The following NLRP8 variants were observed in gnomAD, a reference collection of about 807,000 sequenced individuals.
NLRP8 encodes the protein NLR family pyrin domain containing 8, also known as NACHT, LRR and PYD domains-containing protein 8.
In NLRP8, 86 loss-of-function variants were observed where a neutral mutation model predicts 88.7. The observed-to-expected ratio is 0.97, with a 90% CI of 0.81 to 1.16. The LOEUF is 1.16. NLRP8 is among the 50% of genes most tolerant of loss of function. NLRP8 has a pLI of 0.00. For synonymous variants in NLRP8, 504 were observed against 494.6 expected (o/e 1.02, Z -0.25); for missense variants, 1,342 against 1,286.5 (o/e 1.04, Z -0.66).
chr19:55,968,480 C>A (rs1459910195), intron 5 of NLRP8, among the ~76,000 whole-genome samples: 2 of 151,168 alleles, frequency 1.3e-5, no homozygotes, highest in Non-Finnish European at 1.5e-5. Flanking sequence ...GTGGCTCACG[C>A]CTGTAATCCC....
intron 3 of NLRP8, among the ~76,000 whole-genome samples, chr19:55,961,348 AT>A (rs764445828): frequency 6.6e-6 from 1 of 151,998 alleles, no homozygotes; most frequent in Non-Finnish European, 1.5e-5. Flanking sequence ...CTAGCTCTGG[AT>A]TTTTCTTTCT....
chr19:55,974,842 G>A (rs1260088934), intron 7 of NLRP8, among the ~76,000 whole-genome samples: 2 of 151,852 alleles, frequency 1.3e-5, no homozygotes, highest in African/African-American at 4.8e-5. Context: ...ACCTCCCTCT[G>A]TGCCCTAGCT....
chr19:55,949,487 C>T (rs1978997019), intron 1 of NLRP8, among the ~76,000 whole-genome samples: 1 of 152,138 alleles, frequency 6.6e-6, no homozygotes, highest in Admixed American at 6.6e-5. Context: ...ATTTGCCTGC[C>T]TCGGCCTCCC....
chr19:55,965,813 AC>A (rs1270414501), intron 4 of NLRP8, among the ~76,000 whole-genome samples: 2 of 40,226 alleles, frequency 5.0e-5, no homozygotes, highest in African/African-American at 2.0e-4. Context: ...CTAGCCCCCC[AC>A]CCCCCCAGAG....
At chr19:55,973,922 G>T (rs1365551587) in intron 7 of NLRP8, 100 bp downstream of exon 7, 7 of 1,200,794 alleles carry the variant, frequency 5.8e-6, no homozygotes, top group African/African-American at 1.5e-5. Flanking sequence ...TTTATTAAGT[G>T]CCTACTGCGT....
intron 6 of NLRP8, among the ~76,000 whole-genome samples, 159 bp downstream of exon 6, chr19:55,970,855 G>C (rs1980046337): frequency 6.6e-6 from 1 of 151,932 alleles, no homozygotes; most frequent in African/African-American, 2.4e-5. Context: ...GGTCAATAAG[G>C]GTCCAGCCAA....
chr19:55,957,640 C>T (rs990972373), intron 3 of NLRP8, among the ~76,000 whole-genome samples: 34 of 141,562 alleles, frequency 2.4e-4, no homozygotes, highest in African/African-American at 9.3e-4. Context: ...TAGCCGAGAT[C>T]GCGCCACTAT....
intron 2 of NLRP8, among the ~76,000 whole-genome samples, chr19:55,954,155 C>T (rs1261559796): frequency 1.3e-5 from 2 of 152,070 alleles, no homozygotes; most frequent in East Asian, 1.9e-4. Context: ...ACTACAGCAG[C>T]GATCTTCTAT....
At chr19:55,979,692 G>A (rs1980494512) in intron 9 of NLRP8, 128 bp downstream of exon 9, 1 of 982,892 alleles carries the variant, frequency 1.0e-6, no homozygotes, top group Non-Finnish European at 1.5e-6. Flanking sequence ...ACTGAGACAG[G>A]CAGATCGCTT....
At position 55,963,033 on chromosome 19, in the gene NLRP8, A is replaced by G. The variant is rs1979685086; in HGVS notation, c.2213+796A>G. Among the ~76,000 whole-genome samples the G allele has an allele frequency of 3.3e-5, 5 of 151,966 alleles. No individual in the cohort carries two copies. The South Asian group carries it at 1.0e-3, about 32-fold the overall frequency. On this transcript the variant is annotated intron_variant, in intron 4 of 9. Coordinates refer to ENST00000291971, the MANE Select transcript of NLRP8 (RefSeq NM_176811.2). ...GTACTATTATCCCCCCCCTTTTTTAAAACAGAGTCTCACTTTGTTGTCCAG... is the reference window on the plus strand; with the variant it reads ...GTACTATTATCCCCCCCCTTTTTTAGAACAGAGTCTCACTTTGTTGTCCAG...
In NLRP8 at chr19:55,966,255, C is replaced by T. The variant is rs61740147; in HGVS notation, c.2256C>T (p.Ile752=). ...GCACCATGTTGAACCAGGACTTAATCGGTGTTTTGACGGGGAACCAGCATC... is the reference window on the plus strand; with the variant it reads ...GCACCATGTTGAACCAGGACTTAATTGGTGTTTTGACGGGGAACCAGCATC... The change falls in exon 5 of 10, where the codon ATC becomes ATT. Residue 752 remains isoleucine, a synonymous_variant. Coordinates refer to ENST00000291971, the MANE Select transcript of NLRP8 (RefSeq NM_176811.2). 9.9e-6 allele frequency: 16 copies of T among 1,614,046 alleles called. No homozygotes were observed. Among genetic ancestry groups the T allele is most frequent in the Admixed American group, 1.7e-5 (1 of 60,000 alleles).
intron 3 of NLRP8, among the ~76,000 whole-genome samples, chr19:55,958,551 C>G (rs897991617): frequency 4.6e-5 from 7 of 152,066 alleles, no homozygotes; most frequent in Admixed American, 2.0e-4. Context: ...GATTGGAGCC[C>G]GGCCATGCTT....
intron 4 of NLRP8, among the ~76,000 whole-genome samples, 159 bp from the exon 5 acceptor site, chr19:55,966,054 C>T (rs1174529940): frequency 6.6e-6 from 1 of 152,146 alleles, no homozygotes; most frequent in African/African-American, 2.4e-5. Flanking sequence ...AGGTTTGTGT[C>T]ACTCTTTAAT....
chr19:55,949,648 G>A (rs1031828362), intron 1 of NLRP8, among the ~76,000 whole-genome samples: 1 of 152,132 alleles, frequency 6.6e-6, no homozygotes, highest in South Asian at 2.1e-4. Context: ...GGGGACTACT[G>A]TATTAAAGGA....
chr19:55,980,632 A>T (rs1448688932), intron 9 of NLRP8, among the ~76,000 whole-genome samples: 1 of 152,184 alleles, frequency 6.6e-6, no homozygotes, highest in Non-Finnish European at 1.5e-5. Context: ...ATGACATTGC[A>T]GCTGGCTTCC....
rs1254807777 is a variant in NLRP8 at position 55,979,516 on chromosome 19, C to G, written c.2999C>G (p.Thr1000Ser). The change falls in exon 9 of 10, where the codon ACC becomes AGC. Residue 1000 changes from threonine (T) to serine (S), a missense_variant. Coordinates refer to ENST00000291971, the MANE Select transcript of NLRP8 (RefSeq NM_176811.2). ...GCGATTGGAGTCTATGGTATTCTGA[C>G]CTTGTGCGAGGCCTTCTCAAGCCAA... The G allele has an allele frequency of 6.2e-7, 1 of 1,614,072 alleles. No individual in the cohort carries two copies. The highest frequency in any genetic ancestry group is 2.2e-5 in the East Asian group (1 of 44,894).
Position 55,956,429 on chromosome 19 carries a change from A to C in NLRP8, c.2042+329A>C, listed in dbSNP as rs1979359945. Among the ~76,000 whole-genome samples the C allele has an allele frequency of 2.0e-5, 3 of 152,036 alleles. No homozygotes were observed. The South Asian group carries it at 6.2e-4, about 32-fold the overall frequency. Reference sequence around the variant, plus strand: ...CGGCTAATTTTGGCATTTTTAGTAGAGATGGGGTTTCACCATGTTGGCCAG... The same window carrying C: ...CGGCTAATTTTGGCATTTTTAGTAGCGATGGGGTTTCACCATGTTGGCCAG... On this transcript the variant is annotated intron_variant, in intron 3 of 9. Coordinates refer to ENST00000291971, the MANE Select transcript of NLRP8 (RefSeq NM_176811.2).
At chr19:55,970,495 A>T in intron 5 of NLRP8, 49 bp from the exon 6 acceptor site, 9 of 1,600,728 alleles carry the variant, frequency 5.6e-6, no homozygotes, top group Non-Finnish European at 7.7e-6. Context: ...TCCTACAGGT[A>T]CCATTTTCCC....
At chr19:55,979,045 G>T (rs1980464404) in intron 8 of NLRP8, among the ~76,000 whole-genome samples, 2 of 152,196 alleles carry the variant, frequency 1.3e-5, no homozygotes, top group African/African-American at 4.8e-5. Flanking sequence ...CCAGTCAACT[G>T]TGAGTTACAG....
Sources: allele counts gnomAD v4.1 joint callset (sites outside exome capture counted in the v4.1 genomes callset), GRCh38; gene constraint gnomAD v4.1.1; transcripts MANE v1.5; gene names NCBI Gene and HGNC (gene_info 2026-07-23, HGNC 2026-07-21).